LAMA3: variants seen among roughly 807,000 people sequenced by gnomAD.
The protein encoded by LAMA3 is laminin subunit alpha-3.
A neutral mutation model predicts 402.0 loss-of-function variants in LAMA3; 281 were observed. That is an observed-to-expected ratio of 0.70 (90% CI 0.63 to 0.77). The LOEUF (loss-of-function observed/expected upper bound fraction) is 0.77. Among genes scored for constraint, LAMA3 ranks in the 30% least tolerant of loss-of-function variants. The probability of loss-of-function intolerance (pLI) is 0.00; values close to 1 mark genes in which losing one functional copy is unlikely to be tolerated. For missense variants in LAMA3, 3,840 were observed against 4,215.5 expected, an observed-to-expected ratio of 0.91 and a Z score of 2.47; for synonymous variants, 1,431 against 1,558.4, an observed-to-expected ratio of 0.92 and a Z score of 1.93.
chr18:23,773,469 C>T (rs767138922), intron 8 of LAMA3, 28 bp from the exon 9 acceptor site: 1 of 1,442,286 alleles, frequency 6.9e-7, no homozygotes. Flanking sequence ...CAGAACCCTT[C>T]CTTTAAGTTT....
intron 37 of LAMA3, among the ~76,000 whole-genome samples, chr18:23,870,759 C>A (rs2064494007): frequency 6.6e-6 from 1 of 152,152 alleles, no homozygotes; most frequent in Non-Finnish European, 1.5e-5. Context: ...CTTCATGATT[C>A]CACTTATATG....
chr18:23,705,450 T>TACACACACACACACACACAC (rs35025245), intron 1 of LAMA3, among the ~76,000 whole-genome samples: 7 of 145,394 alleles, frequency 4.8e-5, no homozygotes, highest in African/African-American at 1.5e-4. Flanking sequence ...TATCATGACA[T>TACACACACACACACACACAC]ACACACACAC....
At chr18:23,954,006 C>G (rs1244277511) in intron 74 of LAMA3, among the ~76,000 whole-genome samples, 1 of 152,154 alleles carries the variant, frequency 6.6e-6, no homozygotes, top group Non-Finnish European at 1.5e-5. Flanking sequence ...TGAACAGTAG[C>G]CTTGTTGCTG....
intron 12 of LAMA3, among the ~76,000 whole-genome samples, chr18:23,802,243 C>T (rs2062878598): frequency 6.6e-6 from 1 of 152,174 alleles, no homozygotes; most frequent in African/African-American, 2.4e-5. Flanking sequence ...CATGTTTGGT[C>T]CCAGCATTTC....
At chr18:23,845,908 A>G (rs1460809884) in intron 30 of LAMA3, among the ~76,000 whole-genome samples, 1 of 152,186 alleles carries the variant, frequency 6.6e-6, no homozygotes, top group Non-Finnish European at 1.5e-5. Context: ...ACAACATTCA[A>G]TGAATGATAG....
At chr18:23,901,818 C>A (rs2081079241) in intron 48 of LAMA3, among the ~76,000 whole-genome samples, 1 of 152,158 alleles carries the variant, frequency 6.6e-6, no homozygotes, top group South Asian at 2.1e-4. Flanking sequence ...CTGGATTTTG[C>A]AGTTCATATA....
chr18:23,821,682 T>G (rs1470374756), intron 19 of LAMA3, among the ~76,000 whole-genome samples: 3 of 152,234 alleles, frequency 2.0e-5, no homozygotes, highest in African/African-American at 7.2e-5. Flanking sequence ...TTTCTTTGCA[T>G]AAGGAATTGA....
chr18:23,928,371 C>T (rs1317923008), intron 63 of LAMA3, 131 bp downstream of exon 63: 3 of 752,196 alleles, frequency 4.0e-6, no homozygotes, highest in Non-Finnish European at 7.1e-6. Flanking sequence ...CATATACACT[C>T]CCCATGTGCT....
Position 23,871,471 on chromosome 18 carries a change from G to A in LAMA3, c.4808G>A (p.Arg1603Lys), listed in dbSNP as rs1161287400. 6.2e-7 allele frequency: 1 copy of A among 1,614,160 alleles called. No individual in the cohort carries two copies. The highest frequency in any genetic ancestry group is 1.3e-5 in the African/African-American group (1 of 75,052). ...GCCAGCAGCCGTGCCCCAGTGTCTA[G>A]GGAGGAGCTGATGACAGTGCTGTCT... ...RHASSRAPVS[R>K]EELMTVLSRL... The change falls in exon 38 of 75, where the codon AGG becomes AAG. Residue 1603 changes from arginine to lysine, a missense_variant. Physicochemically the swap from Arg to Lys is conservative, Grantham distance 26 (BLOSUM62 2). Coordinates refer to ENST00000313654, the MANE Select transcript of LAMA3 (RefSeq NM_198129.4).
chr18:23,799,997 A>G (rs1335812810), intron 12 of LAMA3, among the ~76,000 whole-genome samples: 1 of 152,200 alleles, frequency 6.6e-6, no homozygotes, highest in Non-Finnish European at 1.5e-5. Flanking sequence ...TTCAAAGTCT[A>G]CTGATTTAAA....
rs370135238 is a variant in LAMA3, at chr18:23,797,087, G to T, written c.1603+12930G>T. ...TACATACACATCCAGCCTTGGAGAA[G>T]CCTGCCCATGCTTAAGAGCTGTTTT... On this transcript the variant is annotated intron_variant, in intron 12 of 74. Transcript: ENST00000313654. 8.3e-4 allele frequency among the ~76,000 whole-genome samples: 126 copies of T among 152,270 alleles called. 3 individuals carry two copies. In the South Asian group the frequency reaches 0.026, roughly 31 times the overall value.
chr18:23,938,939 T>C (rs908384980), intron 67 of LAMA3, among the ~76,000 whole-genome samples: 1 of 151,992 alleles, frequency 6.6e-6, no homozygotes, highest in Non-Finnish European at 1.5e-5. Flanking sequence ...TGCTCACAAA[T>C]CAAAGCCACA....
At chr18:23,716,736 G>A (rs1276251741) in intron 2 of LAMA3, among the ~76,000 whole-genome samples, 2 of 152,172 alleles carry the variant, frequency 1.3e-5, no homozygotes, top group Non-Finnish European at 2.9e-5. Flanking sequence ...CCACCCACCC[G>A]CTCTGCTCTG....
rs184499855 is a variant in LAMA3 at position 23,813,229 on chromosome 18, C to T, written c.1788+126C>T. ...CCAAGGCTAAATTGCTTAAAGAGGT[C>T]ATTGTTGTTTTTCAAAGAGCATATG... On this transcript the variant is annotated intron_variant, in intron 14 of 74. Transcript: ENST00000313654. The T allele has an allele frequency of 1.6e-5, 11 of 673,870 alleles. No homozygotes were observed. In the East Asian group the frequency reaches 2.6e-4, roughly 16 times the overall value. 41.7% of individuals were successfully genotyped at this position (673,870 alleles called of 1,614,324 possible).
Position 23,899,448 on chromosome 18 carries a change from G to A in LAMA3, c.5997G>A (p.Ser1999=), listed in dbSNP as rs564308785. The change falls in exon 47 of 75, where the codon TCG becomes TCA. Residue 1999 remains serine, a synonymous_variant. Transcript: ENST00000313654. ...AAGCAGAAGCTGATAAAAGGGAGTC[G>A]CAGCTCTGTAAGAATGCTCCCAAAT... ...LREAEADKRE[S]QLLLNRIRTW... is the part of the protein sequence containing the mutation. 9.3e-6 allele frequency: 15 copies of A among 1,613,798 alleles called. No individual in the cohort carries two copies. The highest frequency in any genetic ancestry group is 5.0e-5 in the Admixed American group (3 of 59,982).
chr18:23,914,228 C>G (rs964464990), intron 56 of LAMA3, among the ~76,000 whole-genome samples, 182 bp from the exon 57 acceptor site: 1 of 152,208 alleles, frequency 6.6e-6, no homozygotes, highest in Non-Finnish European at 1.5e-5. Flanking sequence ...GCAGAGACAG[C>G]TCTCACATTA....
intron 12 of LAMA3, among the ~76,000 whole-genome samples, chr18:23,800,681 C>T (rs762840876): frequency 2.0e-5 from 3 of 152,038 alleles, no homozygotes; most frequent in African/African-American, 2.4e-5. Context: ...TCCCTGTCCC[C>T]GCTCCTACAC....
rs760832243 is a variant in LAMA3 at position 23,842,531 on chromosome 18, A to G, written c.3463+10A>G. On this transcript the variant is annotated intron_variant, in intron 28 of 74. Transcript: ENST00000313654. ...GGGTGGCCACGGGCAGGTGAGCTGC[A>G]GTGAGCAGGCCCTGCTGCCTGCCTC... 7 of 1,614,124 alleles carry G rather than the reference A, an allele frequency of 4.3e-6. No individual in the cohort carries two copies. The South Asian group carries it at 5.5e-5, about 13-fold the overall frequency.
intron 2 of LAMA3, among the ~76,000 whole-genome samples, chr18:23,735,317 A>G (rs1348627487): frequency 6.6e-6 from 1 of 152,146 alleles, no homozygotes; most frequent in Non-Finnish European, 1.5e-5. Flanking sequence ...AGCAATATAT[A>G]TTTTGTGATT....
Sources: allele counts gnomAD v4.1 joint callset (sites outside exome capture counted in the v4.1 genomes callset), GRCh38; gene constraint gnomAD v4.1.1; transcripts MANE v1.5; gene names NCBI Gene and HGNC (gene_info 2026-07-23, HGNC 2026-07-21).